Variants in CCDC149 observed in about 807,000 individuals in gnomAD.
CCDC149 encodes coiled-coil domain-containing protein 149.
A neutral mutation model predicts 59.9 loss-of-function variants in CCDC149; 45 were observed. That is an observed-to-expected ratio of 0.75 (90% CI 0.59 to 0.96). CCDC149 has a LOEUF of 0.96. CCDC149 is among the 40% of genes least tolerant of loss of function. The pLI is 0.00. For missense variants in CCDC149, 584 were observed against 664.7 expected, an observed-to-expected ratio of 0.88 and a Z score of 1.33; for synonymous variants, 245 against 260.6, an observed-to-expected ratio of 0.94 and a Z score of 0.58.
rs1157505304 is a variant in CCDC149, at chr4:24,836,441, A to G, written c.730T>C (p.Tyr244His). Residue 244 changes from tyrosine to histidine, a missense_variant, in exon 7 of 13, where the codon TAC becomes CAC. By Grantham distance (83) the Tyr-to-His change is moderately conservative (BLOSUM62 2). Coordinates refer to ENST00000635206, the MANE Select transcript of CCDC149 (RefSeq NM_001330643.2). The stretch of plus-strand genomic sequence containing the variant: ...TGTCATCATGATTTTGCTACCTTGT[A>G]TTTGGCAATGTTTGATTTCAAGAGG... 7 of 1,605,848 alleles carry G rather than the reference A, an allele frequency of 4.4e-6. No homozygotes were observed. Among genetic ancestry groups the G allele is most frequent in the Non-Finnish European group, 6.0e-6 (7 of 1,172,594 alleles).
intron 3 of CCDC149, among the ~76,000 whole-genome samples, chr4:24,864,857 T>C (rs1718601858): frequency 6.6e-6 from 1 of 152,176 alleles, no homozygotes; most frequent in South Asian, 2.1e-4. Context: ...ATTCACAGAA[T>C]GTAAAACCCA....
At chr4:24,942,785 C>T in intron 1 of CCDC149, among the ~76,000 whole-genome samples, 1 of 152,132 alleles carries the variant, frequency 6.6e-6, no homozygotes, top group East Asian at 1.9e-4. Flanking sequence ...CATGAGTGAA[C>T]TCCCATTCAC....
intron 12 of CCDC149, among the ~76,000 whole-genome samples, chr4:24,819,315 G>C (rs1715211332): frequency 6.6e-6 from 1 of 152,122 alleles, no homozygotes; most frequent in African/African-American, 2.4e-5. Flanking sequence ...CCAACTCCAG[G>C]GTCCTCACTC....
intron 2 of CCDC149, among the ~76,000 whole-genome samples, 180 bp from the exon 3 acceptor site, chr4:24,873,899 G>C (rs1719216559): frequency 7.3e-6 from 1 of 137,634 alleles, no homozygotes; most frequent in African/African-American, 2.7e-5. Flanking sequence ...AACTGAACCA[G>C]AGTTATTTTG....
chr4:24,912,034 G>A (rs1569051), intron 1 of CCDC149, among the ~76,000 whole-genome samples: 3 of 151,962 alleles, frequency 2.0e-5, no homozygotes, highest in African/African-American at 7.2e-5. Context: ...TTGCCTCCAG[G>A]TGAGAGGGAG....
intron 1 of CCDC149, among the ~76,000 whole-genome samples, chr4:24,958,754 A>G (rs373059336): frequency 1.1e-4 from 16 of 152,268 alleles, no homozygotes; most frequent in Admixed American, 5.2e-4. Context: ...AAAAAAAGCC[A>G]GGTGCGGTGG....
At chr4:24,892,077 A>G (rs1226987326) in intron 1 of CCDC149, among the ~76,000 whole-genome samples, 1 of 152,200 alleles carries the variant, frequency 6.6e-6, no homozygotes, top group Non-Finnish European at 1.5e-5. Context: ...TGGATTGTTA[A>G]ATATATGTCC....
chr4:24,915,069 G>A (rs2109333128), upstream of CCDC149, among the ~76,000 whole-genome samples: 1 of 152,322 alleles, frequency 6.6e-6, no homozygotes, highest in East Asian at 1.9e-4. Flanking sequence ...TGCAGCTAAA[G>A]CTTCTGGTCT....
At position 24,856,674 on chromosome 4, in the gene CCDC149, C is replaced by T. The variant is rs186738207; in HGVS notation, c.265-3495G>A. ...AGCAGGCTGACCACAAGGACTACAG[C>T]GAAGTCGAGAGATGACTCAATTCTT... On this transcript the variant is annotated intron_variant, in intron 3 of 12. Coordinates refer to ENST00000635206, the MANE Select transcript of CCDC149 (RefSeq NM_001330643.2). Among the ~76,000 whole-genome samples, 503 of 152,326 alleles carry T rather than the reference C, an allele frequency of 3.3e-3. 1 individual carries two copies. The highest frequency in any genetic ancestry group is 0.011 in the African/African-American group (470 of 41,570).
chr4:24,888,298 A>G (rs1577453807), intron 1 of CCDC149, among the ~76,000 whole-genome samples: 1 of 152,292 alleles, frequency 6.6e-6, no homozygotes, highest in South Asian at 2.1e-4. Context: ...ATAGATTTAC[A>G]TATTTTAGTC....
At chr4:24,952,245 T>C (rs190029059) in intron 1 of CCDC149, among the ~76,000 whole-genome samples, 23 of 152,258 alleles carry the variant, frequency 1.5e-4, no homozygotes, top group Admixed American at 3.9e-4. Flanking sequence ...CTATTATTAA[T>C]GGTTTGGAGC....
intron 1 of CCDC149, among the ~76,000 whole-genome samples, chr4:24,877,806 C>A (rs559512786): frequency 4.6e-5 from 7 of 152,270 alleles, no homozygotes; most frequent in African/African-American, 1.7e-4. Context: ...CTCTCCTGCA[C>A]CACGAACCAC....
At chr4:24,894,934 C>G (rs1720752114) in intron 1 of CCDC149, 16 of 1,533,552 alleles carry the variant, frequency 1.0e-5, no homozygotes, top group Middle Eastern at 1.7e-4. Flanking sequence ...GGGAAAAATA[C>G]AGCAGGTATT....
chr4:24,947,489 T>C (rs1301884448), intron 1 of CCDC149, among the ~76,000 whole-genome samples: 2 of 152,210 alleles, frequency 1.3e-5, no homozygotes, highest in African/African-American at 4.8e-5. Flanking sequence ...AGGTATGTCT[T>C]TATTTGCAGT....
rs1008023554 is a variant in CCDC149 at position 24,867,983 on chromosome 4, C to T, written c.264+5698G>A. On this transcript the variant is annotated intron_variant, in intron 3 of 12. Transcript: ENST00000635206. ...GACCTCTGGTCACATCTGTTAACTC[C>T]ACCTGTTAACTCGGCAGCTGGTTCT... is the stretch of plus-strand genomic sequence containing the variant. Among the ~76,000 whole-genome samples the T allele has an allele frequency of 3.9e-5, 6 of 152,182 alleles. No individual in the cohort carries two copies. The East Asian group carries it at 1.2e-3, about 29-fold the overall frequency.
At chr4:24,852,932 T>G in intron 4 of CCDC149, 140 bp downstream of exon 4, 1 of 628,464 alleles carries the variant, frequency 1.6e-6, no homozygotes, top group South Asian at 2.0e-5. Context: ...TACGCTAAAC[T>G]GCGAATTTTC....
At chr4:24,865,058 G>T (rs182146022) in intron 3 of CCDC149, among the ~76,000 whole-genome samples, 140 of 152,216 alleles carry the variant, frequency 9.2e-4, no homozygotes, top group Non-Finnish European at 1.9e-4. Flanking sequence ...ATGTATTCCA[G>T]AAAGTCTGGT....
chr4:24,922,850 C>A (rs1035619004), intron 1 of CCDC149, among the ~76,000 whole-genome samples: 1 of 152,098 alleles, frequency 6.6e-6, no homozygotes, highest in South Asian at 2.1e-4. Flanking sequence ...GTCTCAGATG[C>A]CGTGTCCTCG....
intron 1 of CCDC149, among the ~76,000 whole-genome samples, chr4:24,959,118 C>T (rs1723560879): frequency 6.7e-6 from 1 of 148,442 alleles, no homozygotes. Context: ...GGACTACAGG[C>T]GTGTGCCACC....
Sources: allele counts gnomAD v4.1 joint callset (sites outside exome capture counted in the v4.1 genomes callset), GRCh38; gene constraint gnomAD v4.1.1; transcripts MANE v1.5; gene names NCBI Gene and HGNC (gene_info 2026-07-23, HGNC 2026-07-21).